The following ATRX variants were observed in gnomAD, a reference collection of about 807,000 sequenced individuals.
ATRX encodes the protein chromatin remodeler ATRX.
In ATRX, 12 loss-of-function variants were observed where a neutral mutation model predicts 172.6. The observed-to-expected ratio is 0.07, with a 90% confidence interval of 0.04 to 0.11. The LOEUF is 0.11. Ranked by LOEUF, ATRX falls within the 10% of genes least tolerant of loss-of-function variation. The pLI is 1.00. For synonymous variants in ATRX, 674 were observed against 594.7 expected (o/e 1.13, Z -1.94); for missense variants, 1,368 against 1,767.4 (o/e 0.77, Z 4.05).
At chrX:77,588,103 A>T (rs1387990322) in intron 27 of ATRX, among the ~76,000 whole-genome samples, 1 of 112,371 alleles carries the variant, frequency 8.9e-6, no homozygotes, top group African/African-American at 3.2e-5. Flanking sequence ...AATAGAATTG[A>T]GGGTCAGGAA....
intron 1 of ATRX, among the ~76,000 whole-genome samples, chrX:77,718,221 T>A (rs1285565417): frequency 1.8e-5 from 2 of 109,746 alleles, no homozygotes; most frequent in African/African-American, 6.6e-5. Context: ...CCCTAAGCAG[T>A]GTTTTGGTTT....
rs573601987 is a variant in ATRX, at chrX:77,604,265, T to C, written c.5567-3701A>G. ...CTAGACATCCAACAGGGGACTGATA[T>C]CTAGAATTTACAAGGAACTCAAACA... On this transcript the variant is annotated intron_variant, in intron 22 of 34. Transcript: ENST00000373344. 2.7e-5 allele frequency among the ~76,000 whole-genome samples: 3 copies of C among 112,312 alleles called. No individual in the cohort carries two copies. The South Asian group carries it at 1.1e-3, about 41-fold the overall frequency.
intron 1 of ATRX, among the ~76,000 whole-genome samples, chrX:77,747,478 T>A (rs1557185639): frequency 9.0e-6 from 1 of 111,294 alleles, no homozygotes; most frequent in African/African-American, 3.3e-5. Context: ...GAGCTGAGAC[T>A]GCGCTACTGC....
chrX:77,741,053 C>G (rs973838423), intron 1 of ATRX, among the ~76,000 whole-genome samples: 1 of 109,187 alleles, frequency 9.2e-6, no homozygotes, highest in African/African-American at 3.3e-5. Flanking sequence ...CACACACACA[C>G]ACACACACAC....
chrX:77,577,700 C>T lies in ATRX; in HGVS notation c.6218-3342G>A, dbSNP rs1238161285. The stretch of plus-strand genomic sequence containing the variant: ...TCTAACAAACATTTAAATAATTAAG[C>T]TCAATGCTTTACAAACAATTCCAAA... On this transcript the variant is annotated intron_variant, in intron 27 of 34. Coordinates refer to ENST00000373344, the MANE Select transcript of ATRX (RefSeq NM_000489.6). 2.7e-5 allele frequency among the ~76,000 whole-genome samples: 3 copies of T among 111,507 alleles called. No individual in the cohort carries two copies. The East Asian group carries it at 8.4e-4, about 31-fold the overall frequency.
In ATRX at chrX:77,611,801, T is replaced by C. The variant is rs192895533; in HGVS notation, c.5566+4812A>G. Among the ~76,000 whole-genome samples, 23 of 111,898 alleles carry C rather than the reference T, an allele frequency of 2.1e-4. No individual in the cohort carries two copies. In the East Asian group the frequency reaches 6.2e-3, roughly 30 times the overall value. ...TCACCACAAAGAAATGACAAGTGTT[T>C]GAAGTGATAGTTATGCTAAATTACC... On this transcript the variant is annotated intron_variant, in intron 22 of 34. Coordinates refer to ENST00000373344, the MANE Select transcript of ATRX (RefSeq NM_000489.6).
intron 9 of ATRX, among the ~76,000 whole-genome samples, chrX:77,680,463 C>T (rs983978831): frequency 1.8e-5 from 2 of 111,510 alleles, no homozygotes; most frequent in East Asian, 2.8e-4. Flanking sequence ...TTTGGAAGGC[C>T]GAGGTGGAAG....
chrX:77,749,003 C>T (rs1318276676), intron 1 of ATRX, among the ~76,000 whole-genome samples: 3 of 111,304 alleles, frequency 2.7e-5, no homozygotes, highest in African/African-American at 6.5e-5. Context: ...GTGCAGATTT[C>T]GTACATGCAT....
At chrX:77,756,096 C>G (rs914388156) in intron 1 of ATRX, among the ~76,000 whole-genome samples, 5 of 111,882 alleles carry the variant, frequency 4.5e-5, no homozygotes, top group Non-Finnish European at 9.4e-5. Flanking sequence ...CACTTTGCCA[C>G]GCTGTGGTGA....
chrX:77,611,156 A>G (rs946419635), intron 22 of ATRX, among the ~76,000 whole-genome samples: 4 of 111,209 alleles, frequency 3.6e-5, no homozygotes, highest in African/African-American at 1.3e-4. Flanking sequence ...TATTTCATAT[A>G]TATTTCACAA....
chrX:77,532,627 T>C (rs1442091506), intron 30 of ATRX, among the ~76,000 whole-genome samples: 2 of 111,545 alleles, frequency 1.8e-5, no homozygotes, highest in Non-Finnish European at 3.8e-5. Context: ...CCTTACACCA[T>C]ACACAAAATT....
At chrX:77,649,407 T>C (rs1359616177) in intron 15 of ATRX, among the ~76,000 whole-genome samples, 1 of 112,075 alleles carries the variant, frequency 8.9e-6, no homozygotes, top group Non-Finnish European at 1.9e-5. Flanking sequence ...ATTAGCAAAA[T>C]AGTTTTTCTT....
At chrX:77,527,863 G>A (rs2063438409) in intron 30 of ATRX, among the ~76,000 whole-genome samples, 1 of 112,002 alleles carries the variant, frequency 8.9e-6, no homozygotes, top group Admixed American at 9.4e-5. Flanking sequence ...CAGCCTGCCA[G>A]CTGTGAAGAG....
rs1291382160 is a variant in ATRX, at chrX:77,636,905, G to GAAC, written c.4558-850_4558-849insGTT. The stretch of plus-strand genomic sequence containing the variant: ...GAGGAGGAAGAAGAAGAAAGAAGAA[G>GAAC]AAGAAGGAAGAAGGAAGAAGGAAGG... On this transcript the variant is annotated intron_variant, in intron 15 of 34. Coordinates refer to ENST00000373344, the MANE Select transcript of ATRX (RefSeq NM_000489.6). 1.1e-4 allele frequency among the ~76,000 whole-genome samples: 10 copies of GAAC among 95,075 alleles called. 1 individual carries two copies. Among genetic ancestry groups the GAAC allele is most frequent in the African/African-American group, 4.0e-4 (10 of 24,990 alleles). 82.6% of individuals were successfully genotyped at this position (95,075 alleles called of 115,157 possible).
intron 1 of ATRX, among the ~76,000 whole-genome samples, chrX:77,775,617 G>A (rs782243400): frequency 2.8e-4 from 31 of 111,239 alleles, no homozygotes; most frequent in Non-Finnish European, 4.3e-4. Context: ...CCAGGGAGGC[G>A]GAGGCTGCAG....
At chrX:77,607,599 A>G (rs1233252600) in intron 22 of ATRX, among the ~76,000 whole-genome samples, 4 of 107,202 alleles carry the variant, frequency 3.7e-5, no homozygotes, top group Non-Finnish European at 7.7e-5. Flanking sequence ...GTGTAATCCC[A>G]GCTATTTGGG....
intron 6 of ATRX, chrX:77,691,107 T>C (rs1222363109): frequency 6.2e-5 from 7 of 112,423 alleles, no homozygotes; most frequent in Non-Finnish European, 1.3e-4. Flanking sequence ...AAATGATATA[T>C]ACAGCATATT....
chrX:77,556,567 T>G (rs2147937941), intron 30 of ATRX, among the ~76,000 whole-genome samples: 1 of 111,185 alleles, frequency 9.0e-6, no homozygotes, highest in African/African-American at 3.3e-5. Context: ...TTTGTAAACC[T>G]TAAAGTTTTC....
intron 1 of ATRX, 98 bp downstream of exon 1, chrX:77,785,884 C>T: frequency 1.9e-6 from 2 of 1,061,337 alleles, no homozygotes; most frequent in Non-Finnish European, 1.2e-6. Flanking sequence ...AAGCAACACA[C>T]AGGCCTAACC....
Sources: gnomAD v4.1 joint callset for allele counts (sites outside exome capture counted in the v4.1 genomes callset) on GRCh38, gnomAD v4.1.1 for gene constraint, MANE v1.5 for transcripts, NCBI Gene and HGNC (gene_info 2026-07-23, HGNC 2026-07-21) for gene names.